The following SYNDIG1 variants were observed in gnomAD, a reference collection of about 807,000 sequenced individuals.
The protein encoded by SYNDIG1 is synapse differentiation inducing 1.
SYNDIG1 carries 9 observed loss-of-function variants against 19.4 expected under a neutral mutation model. The observed-to-expected ratio is 0.46, with a 90% CI of 0.28 to 0.81. SYNDIG1 has a LOEUF of 0.81. SYNDIG1 is among the 30% of genes least tolerant of loss of function. The pLI is 0.12. For synonymous variants in SYNDIG1, 141 were observed against 145.9 expected, an observed-to-expected ratio of 0.97 and a Z score of 0.24; for missense variants, 311 against 343.3, an observed-to-expected ratio of 0.91 and a Z score of 0.74.
chr20:24,471,135 C>T (rs1048553851), intron 1 of SYNDIG1, among the ~76,000 whole-genome samples: 1 of 152,052 alleles, frequency 6.6e-6, no homozygotes, highest in Admixed American at 6.6e-5. Context: ...TAGACCTGCG[C>T]CTGTGGGGTG....
intron 1 of SYNDIG1, among the ~76,000 whole-genome samples, chr20:24,488,554 C>T (rs936898027): frequency 3.9e-5 from 6 of 152,248 alleles, no homozygotes; most frequent in Non-Finnish European, 8.8e-5. Flanking sequence ...CAGGCACAAA[C>T]TGATGAAGGA....
intron 2 of SYNDIG1, among the ~76,000 whole-genome samples, chr20:24,566,225 C>T (rs8126241): frequency 0.28 from 42,865 of 151,978 alleles, 6,648 homozygotes; most frequent in East Asian, 0.58. Context: ...GTGCAGGGAG[C>T]AGCCACAGGC....
At chr20:24,517,326 T>C (rs550289625) in intron 1 of SYNDIG1, among the ~76,000 whole-genome samples, 45 of 149,838 alleles carry the variant, frequency 3.0e-4, no homozygotes, top group Admixed American at 9.3e-4. Flanking sequence ...TAAATAAATA[T>C]ATATATATGC....
At chr20:24,539,082 T>C (rs779102917) in intron 1 of SYNDIG1, among the ~76,000 whole-genome samples, 3 of 152,226 alleles carry the variant, frequency 2.0e-5, no homozygotes, top group Non-Finnish European at 4.4e-5. Context: ...TGTCTATTGA[T>C]GCACAAAAAT....
chr20:24,492,477 C>T (rs1015479445), intron 1 of SYNDIG1, among the ~76,000 whole-genome samples: 61 of 152,340 alleles, frequency 4.0e-4, no homozygotes, highest in East Asian at 2.3e-3. Context: ...CAAAACCTCA[C>T]GGTGGCTCCC....
At chr20:24,582,367 G>T in intron 2 of SYNDIG1, among the ~76,000 whole-genome samples, 1 of 67,516 alleles carries the variant, frequency 1.5e-5, no homozygotes, top group Non-Finnish European at 2.8e-5. Flanking sequence ...CCTTCCCCTT[G>T]CATGGCCTCC....
At chr20:24,569,687 C>T (rs564139199) in intron 2 of SYNDIG1, among the ~76,000 whole-genome samples, 192 of 152,232 alleles carry the variant, frequency 1.3e-3, no homozygotes, top group African/African-American at 4.3e-3. Flanking sequence ...GTAAAGTTTA[C>T]CCCAGAAAAA....
At chr20:24,624,023 G>GAGGCCA (rs2059080349) in intron 3 of SYNDIG1, among the ~76,000 whole-genome samples, 1 of 152,156 alleles carries the variant, frequency 6.6e-6, no homozygotes, top group African/African-American at 2.4e-5. Flanking sequence ...AGCACTTTGG[G>GAGGCCA]AGGCCAAGGC....
intron 3 of SYNDIG1, among the ~76,000 whole-genome samples, chr20:24,646,910 C>A (rs1323018646): frequency 1.3e-5 from 2 of 152,196 alleles, no homozygotes; most frequent in Non-Finnish European, 2.9e-5. Context: ...CATGAGCCAC[C>A]AAGCCCGGCT....
intron 2 of SYNDIG1, among the ~76,000 whole-genome samples, chr20:24,559,656 A>G (rs946836944): frequency 1.3e-5 from 2 of 152,206 alleles, no homozygotes; most frequent in Non-Finnish European, 2.9e-5. Flanking sequence ...CTTGTAAGAC[A>G]GGTCTGCTAG....
intron 1 of SYNDIG1, among the ~76,000 whole-genome samples, chr20:24,501,129 T>TATC (rs2056444071): frequency 6.6e-6 from 1 of 152,260 alleles, no homozygotes; most frequent in Admixed American, 6.5e-5. Context: ...AGATAACATC[T>TATC]ATCTACCTAT....
intron 3 of SYNDIG1, among the ~76,000 whole-genome samples, chr20:24,655,017 C>A (rs189963237): frequency 4.5e-4 from 69 of 152,268 alleles, no homozygotes; most frequent in African/African-American, 1.3e-3. Context: ...CGAAGCCTTC[C>A]GCGGTGTGTG....
intron 1 of SYNDIG1, among the ~76,000 whole-genome samples, chr20:24,493,456 TACAC>T (rs966728401): frequency 2.0e-5 from 3 of 151,938 alleles, no homozygotes; most frequent in Non-Finnish European, 2.9e-5. Context: ...CATACACAGG[TACAC>T]ACACATACAT....
chr20:24,587,459 C>T (rs2058435601), intron 3 of SYNDIG1, among the ~76,000 whole-genome samples: 1 of 152,200 alleles, frequency 6.6e-6, no homozygotes, highest in African/African-American at 2.4e-5. Context: ...AGCAGCCCTG[C>T]ACAGGACGCC....
intron 1 of SYNDIG1, among the ~76,000 whole-genome samples, chr20:24,542,467 G>C (rs1297476192): frequency 6.6e-6 from 1 of 152,200 alleles, no homozygotes; most frequent in Non-Finnish European, 1.5e-5. Flanking sequence ...CAAATTCTGA[G>C]TGGCCAACTA....
intron 3 of SYNDIG1, among the ~76,000 whole-genome samples, chr20:24,647,097 G>T (rs1215798092): frequency 6.6e-6 from 1 of 152,166 alleles, no homozygotes. Context: ...AGAATTTCCT[G>T]TCTTTCCTTT....
intron 1 of SYNDIG1, among the ~76,000 whole-genome samples, chr20:24,490,136 G>A (rs977475381): frequency 1.3e-5 from 2 of 152,256 alleles, no homozygotes; most frequent in African/African-American, 4.8e-5. Flanking sequence ...GCTGTGGGCA[G>A]TGACAGGGGC....
intron 3 of SYNDIG1, among the ~76,000 whole-genome samples, chr20:24,610,490 T>G (rs2147172774): frequency 6.6e-6 from 1 of 152,264 alleles, no homozygotes; most frequent in African/African-American, 2.4e-5. Flanking sequence ...GAATGTACTA[T>G]CCCCATCTCT....
intron 3 of SYNDIG1, among the ~76,000 whole-genome samples, chr20:24,640,777 G>A (rs2059368702): frequency 6.6e-6 from 1 of 152,044 alleles, no homozygotes; most frequent in African/African-American, 2.4e-5. Context: ...AGGTAGCATG[G>A]GATGGATCCA....
Sources: gnomAD v4.1 joint callset for allele counts (sites outside exome capture counted in the v4.1 genomes callset) on GRCh38, gnomAD v4.1.1 for gene constraint, MANE v1.5 for transcripts, NCBI Gene and HGNC (gene_info 2026-07-23, HGNC 2026-07-21) for gene names.